The following PHF20 variants were observed in gnomAD, a reference collection of about 807,000 sequenced individuals.
PHF20 encodes the protein glioma-expressed antigen 2.
In PHF20, 23 loss-of-function variants were observed where a neutral mutation model predicts 113.5. The observed-to-expected ratio is 0.20, with a 90% CI of 0.15 to 0.29. The LOEUF (loss-of-function observed/expected upper bound fraction) is 0.29, where lower values mean the gene tolerates loss of function less well. PHF20 is among the 10% of genes least tolerant of loss of function. The pLI is 1.00. For synonymous variants in PHF20, 434 were observed against 457.3 expected (o/e 0.95, Z 0.65); for missense variants, 943 against 1,219.6 (o/e 0.77, Z 3.38).
At chr20:35,906,932 G>C (rs1255492086) in intron 10 of PHF20, among the ~76,000 whole-genome samples, 1 of 152,134 alleles carries the variant, frequency 6.6e-6, no homozygotes, top group Non-Finnish European at 1.5e-5. Flanking sequence ...GTAGGGGACT[G>C]ATAGGAGATG....
chr20:35,871,184 T>G, intron 8 of PHF20, 50 bp downstream of exon 8: 2 of 1,383,086 alleles, frequency 1.4e-6, no homozygotes, highest in Non-Finnish European at 2.0e-6. Flanking sequence ...TCCTATTTAG[T>G]GAGAATCAAT....
rs188469178 is a variant in PHF20, at chr20:35,930,762, G to C, written c.2105-487G>C. ...TAGGGAATAGTGCTGCAGACAGAAGGGATGCGCAAGTGAAGGTCTTGAGGC... is the reference window on the plus strand; with the variant it reads ...TAGGGAATAGTGCTGCAGACAGAAGCGATGCGCAAGTGAAGGTCTTGAGGC... On this transcript the variant is annotated intron_variant, in intron 14 of 17. Transcript: ENST00000374012. 2.7e-4 allele frequency among the ~76,000 whole-genome samples: 41 copies of C among 152,302 alleles called. No homozygotes were observed. The East Asian group carries it at 7.7e-3, about 29-fold the overall frequency.
chr20:35,858,410 T>C, intron 5 of PHF20, 29 bp downstream of exon 5: 1 of 1,179,510 alleles, frequency 8.5e-7, no homozygotes, highest in Non-Finnish European at 1.3e-6. Context: ...TGCTTTGTGT[T>C]ATGAATAATG....
At chr20:35,906,031 T>C (rs1292692440) in intron 10 of PHF20, among the ~76,000 whole-genome samples, 1 of 152,238 alleles carries the variant, frequency 6.6e-6, no homozygotes, top group African/African-American at 2.4e-5. Flanking sequence ...TTAGGTGAGT[T>C]CAGTCCTGAA....
intron 2 of PHF20, among the ~76,000 whole-genome samples, chr20:35,831,222 C>T (rs559767103): frequency 6.7e-6 from 1 of 149,748 alleles, no homozygotes; most frequent in Non-Finnish European, 1.5e-5. Context: ...TTCAGTAGTG[C>T]GATCATGACT....
At chr20:35,841,615 C>A (rs970771140) in intron 2 of PHF20, among the ~76,000 whole-genome samples, 1 of 151,828 alleles carries the variant, frequency 6.6e-6, no homozygotes, top group African/African-American at 2.4e-5. Context: ...ACTAAAAATA[C>A]AAAAATTAGC....
intron 12 of PHF20, among the ~76,000 whole-genome samples, chr20:35,916,233 CAGT>C (rs2055401360): frequency 6.6e-6 from 1 of 152,204 alleles, no homozygotes; most frequent in Non-Finnish European, 1.5e-5. Flanking sequence ...ATAATGGTGT[CAGT>C]AGACTTTCAG....
At chr20:35,839,112 CAGG>C (rs2042495510) in intron 2 of PHF20, among the ~76,000 whole-genome samples, 1 of 151,662 alleles carries the variant, frequency 6.6e-6, no homozygotes, top group Non-Finnish European at 1.5e-5. Flanking sequence ...GGTTTGAAGC[CAGG>C]AGCAGTGGCT....
chr20:35,915,240 G>A (rs941175554), intron 12 of PHF20, among the ~76,000 whole-genome samples: 4 of 150,460 alleles, frequency 2.7e-5, no homozygotes, highest in Non-Finnish European at 5.9e-5. Flanking sequence ...AGGCATTGAA[G>A]TGTAAGTGGA....
In PHF20 at chr20:35,916,092, A is replaced by G. The variant is rs530949107; in HGVS notation, c.1826-1392A>G. On this transcript the variant is annotated intron_variant, in intron 12 of 17. Transcript: ENST00000374012. ...GTCAAGGCTGCAGTGAGCTGTGATC[A>G]TGCCACTGCACTCTGGGAGAAAGAA... Among the ~76,000 whole-genome samples, 215 of 152,332 alleles carry G rather than the reference A, an allele frequency of 1.4e-3. 2 individuals carry two copies. The highest frequency in any genetic ancestry group is 5.0e-3 in the African/African-American group (208 of 41,570).
intron 9 of PHF20, 60 bp from the exon 10 acceptor site, chr20:35,899,310 T>C (rs1410793967): frequency 2.1e-6 from 3 of 1,412,224 alleles, no homozygotes; most frequent in Non-Finnish European, 2.9e-6. Flanking sequence ...TGTTAATGCA[T>C]GTTTTGTAAT....
At chr20:35,875,447 C>T (rs2054503769) in intron 9 of PHF20, among the ~76,000 whole-genome samples, 1 of 151,932 alleles carries the variant, frequency 6.6e-6, no homozygotes, top group East Asian at 1.9e-4. Context: ...TCATTCCTAG[C>T]TCATCTCGGC....
At chr20:35,900,266 T>C (rs2055069635) in intron 10 of PHF20, among the ~76,000 whole-genome samples, 1 of 152,232 alleles carries the variant, frequency 6.6e-6, no homozygotes, top group Non-Finnish European at 1.5e-5. Flanking sequence ...GAAGAATTAA[T>C]GGATTTCCAA....
At chr20:35,896,697 A>G (rs949573646) in intron 9 of PHF20, among the ~76,000 whole-genome samples, 6 of 149,172 alleles carry the variant, frequency 4.0e-5, no homozygotes, top group African/African-American at 1.5e-4. Context: ...GCTACTCAGG[A>G]GGCTGAGGCT....
At chr20:35,878,205 G>T (rs1443240805) in intron 9 of PHF20, among the ~76,000 whole-genome samples, 3 of 152,150 alleles carry the variant, frequency 2.0e-5, no homozygotes, top group Non-Finnish European at 4.4e-5. Context: ...TCATTATTCT[G>T]GGGGTTAGAG....
At chr20:35,905,751 C>G (rs1340902255) in intron 10 of PHF20, among the ~76,000 whole-genome samples, 1 of 152,196 alleles carries the variant, frequency 6.6e-6, no homozygotes, top group African/African-American at 2.4e-5. Context: ...GGAAAAGCAT[C>G]CCTGTGCCAG....
chr20:35,819,955 A>C (rs1461791865), intron 2 of PHF20, among the ~76,000 whole-genome samples: 18 of 152,156 alleles, frequency 1.2e-4, no homozygotes, highest in Admixed American at 1.1e-3. Context: ...TTAATCCTTT[A>C]GATGCTATGA....
intron 13 of PHF20, among the ~76,000 whole-genome samples, chr20:35,925,077 G>A (rs2055600147): frequency 6.6e-6 from 1 of 151,770 alleles, no homozygotes; most frequent in African/African-American, 2.4e-5. Context: ...CTCTTTCAGC[G>A]ATTCATCTGT....
At chr20:35,904,979 C>T (rs2147068593) in intron 10 of PHF20, among the ~76,000 whole-genome samples, 2 of 152,166 alleles carry the variant, frequency 1.3e-5, no homozygotes, top group South Asian at 4.1e-4. Flanking sequence ...GCGTGCACCA[C>T]CATGCCTGGC....
Sources: gnomAD v4.1 joint callset for allele counts (sites outside exome capture counted in the v4.1 genomes callset) on GRCh38, gnomAD v4.1.1 for gene constraint, MANE v1.5 for transcripts, NCBI Gene and HGNC (gene_info 2026-07-23, HGNC 2026-07-21) for gene names.